TMTC2: variants seen among roughly 807,000 people sequenced by gnomAD.
TMTC2 encodes the protein transmembrane O-mannosyltransferase targeting cadherins 2.
TMTC2 carries 43 observed loss-of-function variants against 82.4 expected under a neutral mutation model. That is an observed-to-expected ratio of 0.52 (90% CI 0.41 to 0.67). The LOEUF is 0.67. Among genes scored for constraint, TMTC2 ranks in the 30% least tolerant of loss-of-function variants. The pLI, the probability that TMTC2 is intolerant of heterozygous loss-of-function variation, is 0.00. For synonymous variants in TMTC2, 408 were observed against 381.9 expected, an observed-to-expected ratio of 1.07 and a Z score of -0.80; for missense variants, 919 against 1,012.4, an observed-to-expected ratio of 0.91 and a Z score of 1.25.
chr12:82,973,216 A>C (rs1314600115), intron 7 of TMTC2, among the ~76,000 whole-genome samples: 1 of 152,164 alleles, frequency 6.6e-6, no homozygotes, highest in Non-Finnish European at 1.5e-5. Flanking sequence ...AAAATCAATG[A>C]GGCAATCCTA....
chr12:82,920,937 AT>A (rs1176206338), intron 3 of TMTC2, among the ~76,000 whole-genome samples: 1 of 152,194 alleles, frequency 6.6e-6, no homozygotes, highest in Non-Finnish European at 1.5e-5. Flanking sequence ...TTCAGTTCCA[AT>A]ATGTTAACAG....
intron 7 of TMTC2, among the ~76,000 whole-genome samples, chr12:82,979,775 G>A (rs1878840616): frequency 6.6e-6 from 1 of 151,654 alleles, no homozygotes; most frequent in African/African-American, 2.4e-5. Flanking sequence ...TTTCTTGTAG[G>A]ACAAGTCTGG....
At chr12:82,784,282 T>G (rs2137013422) in intron 1 of TMTC2, among the ~76,000 whole-genome samples, 1 of 152,250 alleles carries the variant, frequency 6.6e-6, no homozygotes, top group African/African-American at 2.4e-5. Flanking sequence ...CTTTCCTTTT[T>G]TGGCATGTGG....
At chr12:82,854,412 G>C (rs1871145248) in intron 1 of TMTC2, among the ~76,000 whole-genome samples, 1 of 152,124 alleles carries the variant, frequency 6.6e-6, no homozygotes, top group Middle Eastern at 3.2e-3. Context: ...GGCCAAGATG[G>C]CTGCTGGAAC....
rs368116504 is a variant in TMTC2 at position 82,695,954 on chromosome 12, G to A, written c.83+8285G>A. ...TCCTATCTTCAGCTTTAAGAAACTA[G>A]GCCTGTTGCCTTCAGTTGTAAAATG... On this transcript the variant is annotated intron_variant, in intron 1 of 11. Transcript: ENST00000321196. 5.9e-5 allele frequency among the ~76,000 whole-genome samples: 9 copies of A among 152,248 alleles called. No homozygotes were observed. In the South Asian group the frequency reaches 1.7e-3, roughly 28 times the overall value.
At chr12:82,936,989 G>C (rs1171324467) in intron 4 of TMTC2, among the ~76,000 whole-genome samples, 1 of 152,040 alleles carries the variant, frequency 6.6e-6, no homozygotes, top group Non-Finnish European at 1.5e-5. Flanking sequence ...CACATTCTTT[G>C]AACTATGTAA....
chr12:82,909,379 G>A (rs1281058910), intron 3 of TMTC2, among the ~76,000 whole-genome samples: 1 of 152,014 alleles, frequency 6.6e-6, no homozygotes, highest in Non-Finnish European at 1.5e-5. Flanking sequence ...TCACTCTGTC[G>A]CCCAGGCTGG....
intron 4 of TMTC2, among the ~76,000 whole-genome samples, chr12:82,935,721 G>A (rs1876281042): frequency 1.3e-5 from 2 of 152,128 alleles, no homozygotes; most frequent in African/African-American, 4.8e-5. Flanking sequence ...TCAAAATGCA[G>A]ATGAATTTAA....
At chr12:83,078,329 C>T (rs1389893337) in intron 11 of TMTC2, among the ~76,000 whole-genome samples, 1 of 152,104 alleles carries the variant, frequency 6.6e-6, no homozygotes, top group Non-Finnish European at 1.5e-5. Flanking sequence ...CATTAATTTT[C>T]TTAGACTGGG....
intron 8 of TMTC2, among the ~76,000 whole-genome samples, chr12:82,999,944 C>T (rs1332979935): frequency 6.6e-6 from 1 of 152,202 alleles, no homozygotes; most frequent in Non-Finnish European, 1.5e-5. Context: ...CTTAAAAGTT[C>T]ACAGTCCAAA....
chr12:82,914,451 T>C (rs1167466338), intron 3 of TMTC2, among the ~76,000 whole-genome samples: 3 of 152,202 alleles, frequency 2.0e-5, no homozygotes, highest in African/African-American at 7.2e-5. Context: ...TGATGTACTA[T>C]ATTTGAGAGG....
intron 9 of TMTC2, among the ~76,000 whole-genome samples, chr12:83,035,574 T>C (rs1350779658): frequency 3.9e-5 from 6 of 152,216 alleles, no homozygotes; most frequent in African/African-American, 1.4e-4. Context: ...TTTCAAGCTA[T>C]GGTATAAGTA....
chr12:83,098,416 G>A (rs1375290569), intron 11 of TMTC2, among the ~76,000 whole-genome samples: 1 of 152,082 alleles, frequency 6.6e-6, no homozygotes, highest in African/African-American at 2.4e-5. Context: ...CACTGCTTTA[G>A]CTAAGGGTTT....
At chr12:82,938,755 G>A (rs931428128) in intron 4 of TMTC2, among the ~76,000 whole-genome samples, 37 of 151,904 alleles carry the variant, frequency 2.4e-4, no homozygotes, top group Non-Finnish European at 4.1e-4. Flanking sequence ...TGTCTTAATT[G>A]GTAAATATCA....
chr12:82,716,595 C>CTTGT (rs1873913890), intron 1 of TMTC2, among the ~76,000 whole-genome samples: 1 of 152,090 alleles, frequency 6.6e-6, no homozygotes, highest in Non-Finnish European at 1.5e-5. Flanking sequence ...ATCTCCTGAC[C>CTTGT]TTGTGATCCG....
chr12:82,922,888 C>T (rs553176393), intron 3 of TMTC2, among the ~76,000 whole-genome samples: 1 of 152,114 alleles, frequency 6.6e-6, no homozygotes, highest in South Asian at 2.1e-4. Flanking sequence ...AAGTGAATGA[C>T]CCACATTGTA....
At chr12:82,740,116 T>C (rs549988560) in intron 1 of TMTC2, among the ~76,000 whole-genome samples, 104 of 152,304 alleles carry the variant, frequency 6.8e-4, no homozygotes, top group African/African-American at 2.4e-3. Flanking sequence ...CTGCTGTTAA[T>C]GAAAATTCTA....
intron 7 of TMTC2, among the ~76,000 whole-genome samples, chr12:82,975,634 TATAA>T (rs1261393132): frequency 8.5e-5 from 13 of 152,154 alleles, no homozygotes; most frequent in Non-Finnish European, 1.9e-4. Context: ...CAATTTATAA[TATAA>T]ATAAATTATT....
intron 9 of TMTC2, among the ~76,000 whole-genome samples, chr12:83,048,101 G>A (rs940462528): frequency 1.1e-4 from 17 of 152,202 alleles, no homozygotes; most frequent in African/African-American, 2.4e-4. Context: ...GTATTAATGC[G>A]TTTGCTTAAA....
Sources: gnomAD v4.1 joint callset for allele counts (sites outside exome capture counted in the v4.1 genomes callset) on GRCh38, gnomAD v4.1.1 for gene constraint, MANE v1.5 for transcripts, NCBI Gene and HGNC (gene_info 2026-07-23, HGNC 2026-07-21) for gene names.